GNAO1: variants seen among roughly 807,000 people sequenced by gnomAD.
The protein encoded by GNAO1 is G protein subunit alpha o1, also known as guanine nucleotide-binding protein G(o) subunit alpha.
For missense variants in GNAO1, 166 were observed against 478.7 expected (o/e 0.35, Z 6.10); for synonymous variants, 164 against 180.7 (o/e 0.91, Z 0.74).
At chr16:56,276,797 C>T (rs936331786) in intron 3 of GNAO1, 1 of 152,292 alleles carries the variant, frequency 6.6e-6, no homozygotes, top group East Asian at 1.9e-4. Context: ...AGAATTCTTT[C>T]CAGAAGCAGC....
rs570586743 is a variant in GNAO1, at chr16:56,215,017, A to ACACTGAT, written c.161+22403_161+22409dup. Among the ~76,000 whole-genome samples the ACACTGAT allele has an allele frequency of 1.8e-3, 267 of 152,336 alleles. 1 individual carries two copies. Among genetic ancestry groups the ACACTGAT allele is most frequent in the South Asian group, 3.9e-3 (19 of 4,828 alleles). On this transcript the variant is annotated intron_variant, in intron 2 of 8. Coordinates refer to ENST00000262493, the MANE Select transcript of GNAO1 (RefSeq NM_020988.3). ...AGGACATACCATGGTGTAGTGCACC[A>ACACTGAT]CACTGATCCTGAGTTGGCTCCCCCT... is the stretch of plus-strand genomic sequence containing the variant.
chr16:56,212,458 A>T (rs1997514), intron 2 of GNAO1, among the ~76,000 whole-genome samples: 95,660 of 151,992 alleles, frequency 0.63, 30,514 homozygotes, highest in African/African-American at 0.72. Flanking sequence ...ATCTCTCATG[A>T]CTTGCTGCTT....
Position 56,343,416 on chromosome 16 carries a change from A to G in GNAO1, c.723+6556A>G, listed in dbSNP as rs1031276904. Among the ~76,000 whole-genome samples, 66 of 149,496 alleles carry G rather than the reference A, an allele frequency of 4.4e-4. 1 individual carries two copies. The highest frequency in any genetic ancestry group is 6.7e-4 in the Admixed American group (10 of 14,928). Reference sequence around the variant, plus strand: ...AGAGTATTAGTCACTTGAGCCCAGGAGGTAGAGGCTGCAGTGAGCCCTGAT... The same window carrying G: ...AGAGTATTAGTCACTTGAGCCCAGGGGGTAGAGGCTGCAGTGAGCCCTGAT... On this transcript the variant is annotated intron_variant, in intron 6 of 8. Coordinates refer to ENST00000262493, the MANE Select transcript of GNAO1 (RefSeq NM_020988.3).
chr16:56,274,342 A>T (rs534627263), intron 2 of GNAO1, among the ~76,000 whole-genome samples: 1 of 152,326 alleles, frequency 6.6e-6, no homozygotes, highest in African/African-American at 2.4e-5. Context: ...GGGGTGGTGC[A>T]CCAGTGGCCT....
intron 3 of GNAO1, among the ~76,000 whole-genome samples, chr16:56,323,206 G>T (rs1310428153): frequency 6.6e-6 from 1 of 152,226 alleles, no homozygotes; most frequent in Non-Finnish European, 1.5e-5. Flanking sequence ...CAGAGAGGCA[G>T]TCAGGGGCTT....
rs779593919 is a variant in GNAO1 at position 56,351,507 on chromosome 16, C to T, written c.847C>T (p.Pro283Ser). 6.2e-7 allele frequency: 1 copy of T among 1,613,444 alleles called. No homozygotes were observed. Among genetic ancestry groups the T allele is most frequent in the Non-Finnish European group, 8.5e-7 (1 of 1,179,640 alleles). Residue 283 changes from proline to serine, a missense_variant, in exon 7 of 9, where the codon CCT (proline) becomes TCT (serine). Pro to Ser is a moderately conservative substitution (Grantham distance 74). Transcript: ENST00000262493. The surrounding 1 kb of genome is among the most constrained non-coding windows in gnomAD (Gnocchi z 6.1). ...CTTTGGCGAGAAGATCAAGAAGTCA[C>T]CTTTGACCATCTGCTTTCCTGAATA... ...DLFGEKIKKS[P>S]LTICFPEYTG...
At chr16:56,244,577 G>A (rs2036724755) in intron 2 of GNAO1, among the ~76,000 whole-genome samples, 2 of 151,986 alleles carry the variant, frequency 1.3e-5, no homozygotes, top group Non-Finnish European at 2.9e-5. Context: ...CACTTGCTGG[G>A]GAAGGCCACC....
In GNAO1 at chr16:56,343,860, C is replaced by T. The variant is rs373174923; in HGVS notation, c.723+7000C>T. 29 of 1,613,972 alleles carry T rather than the reference C, an allele frequency of 1.8e-5. No individual in the cohort carries two copies. In the East Asian group the frequency reaches 2.5e-4, roughly 14 times the overall value. ...AAGAGATCTACACCCACGTCACCTG[C>T]GCCACGGACACCAACAACATCCAGT... On this transcript the variant is annotated intron_variant, in intron 6 of 8. Coordinates refer to ENST00000262493, the MANE Select transcript of GNAO1 (RefSeq NM_020988.3).
At chr16:56,296,839 A>G (rs376632010) in intron 3 of GNAO1, among the ~76,000 whole-genome samples, 6 of 152,118 alleles carry the variant, frequency 3.9e-5, no homozygotes, top group Non-Finnish European at 5.9e-5. Context: ...TGGAGACCCA[A>G]GTTCCTTCCC....
Position 56,328,035 on chromosome 16 carries a change from G to A in GNAO1, c.304-596G>A, listed in dbSNP as rs144648153. ...TATTTTTGCCATCTGCACTAACTTG[G>A]CAACCAGCCCCTCCCCTCCCCCAGT... On this transcript the variant is annotated intron_variant, in intron 3 of 8. Transcript: ENST00000262493. Among the ~76,000 whole-genome samples the A allele has an allele frequency of 2.1e-4, 32 of 152,272 alleles. No individual in the cohort carries two copies. The East Asian group carries it at 5.6e-3, about 27-fold the overall frequency.
intron 4 of GNAO1, among the ~76,000 whole-genome samples, chr16:56,329,483 G>T (rs1454279319): frequency 6.6e-6 from 1 of 151,848 alleles, no homozygotes; most frequent in Non-Finnish European, 1.5e-5. Flanking sequence ...AGGTCCACTG[G>T]CTGCAGCTTT....
intron 3 of GNAO1, among the ~76,000 whole-genome samples, chr16:56,327,894 C>A (rs1465516321): frequency 2.0e-5 from 3 of 152,084 alleles, no homozygotes; most frequent in African/African-American, 7.2e-5. Flanking sequence ...CTTCCCCTGC[C>A]CCCAGAGAAA....
intron 6 of GNAO1, among the ~76,000 whole-genome samples, chr16:56,343,150 A>C (rs1452547641): frequency 6.6e-6 from 1 of 151,780 alleles, no homozygotes; most frequent in Non-Finnish European, 1.5e-5. Context: ...CCATAAATGC[A>C]TGTATAAAAG....
At chr16:56,325,358 C>A (rs1339332186) in intron 3 of GNAO1, among the ~76,000 whole-genome samples, 1 of 152,194 alleles carries the variant, frequency 6.6e-6, no homozygotes, top group African/African-American at 2.4e-5. Flanking sequence ...TGCCTGTAAT[C>A]CCAGCTACTC....
intron 3 of GNAO1, among the ~76,000 whole-genome samples, chr16:56,321,629 C>T (rs1993886): frequency 0.84 from 128,373 of 152,104 alleles, 54,368 homozygotes; most frequent in East Asian, 0.97. Context: ...TCAGACTGGG[C>T]TGGAGAAGGG....
intron 6 of GNAO1, chr16:56,348,019 C>CTA (rs1331764092): frequency 1.0e-6 from 1 of 981,252 alleles, no homozygotes; most frequent in African/African-American, 1.8e-5. Context: ...AAAGCCGTCT[C>CTA]TCTCGAGTGC....
chr16:56,245,921 T>C (rs530944580), intron 2 of GNAO1, among the ~76,000 whole-genome samples: 1 of 152,252 alleles, frequency 6.6e-6, no homozygotes, highest in South Asian at 2.1e-4. Context: ...ATAATTCAGA[T>C]TGGGTGTGTA....
Position 56,258,199 on chromosome 16 carries a change from ACCAGGC to A in GNAO1, c.162-17731_162-17726del, listed in dbSNP as rs529196006. On this transcript the variant is annotated intron_variant, in intron 2 of 8. Coordinates refer to ENST00000262493, the MANE Select transcript of GNAO1 (RefSeq NM_020988.3). ...ACCATTACTGTGAAACAGAGCCACT[ACCAGGC>A]TTGCTGAGGTGGAGATTATGAGTGG... is the stretch of plus-strand genomic sequence containing the variant. 1.2e-3 allele frequency among the ~76,000 whole-genome samples: 190 copies of A among 152,226 alleles called. No individual in the cohort carries two copies. In the East Asian group the frequency reaches 0.023, roughly 18 times the overall value.
intron 3 of GNAO1, among the ~76,000 whole-genome samples, chr16:56,295,454 AGGCTG>A (rs2037277339): frequency 1.3e-5 from 2 of 152,196 alleles, no homozygotes; most frequent in African/African-American, 4.8e-5. Context: ...GGGCACACAA[AGGCTG>A]GGCTGTACCT....
Sources: gnomAD v4.1 joint callset for allele counts (sites outside exome capture counted in the v4.1 genomes callset) on GRCh38, gnomAD v4.1.1 for gene constraint, Gnocchi (gnomAD v3.1) non-coding constraint, MANE v1.5 for transcripts, NCBI Gene and HGNC (gene_info 2026-07-23, HGNC 2026-07-21) for gene names.